The following EPS8 variants were observed in gnomAD, a reference collection of about 807,000 sequenced individuals.
The protein encoded by EPS8 is epidermal growth factor receptor kinase substrate 8.
A neutral mutation model predicts 103.8 loss-of-function variants in EPS8; 42 were observed. That is an observed-to-expected ratio of 0.40 (90% CI 0.32 to 0.52). EPS8 has a LOEUF of 0.52. Ranked by LOEUF, EPS8 falls within the 20% of genes least tolerant of loss-of-function variation. The pLI is 0.40. For missense variants in EPS8, 969 were observed against 1,005.1 expected, an observed-to-expected ratio of 0.96 and a Z score of 0.49; for synonymous variants, 344 against 344.6, an observed-to-expected ratio of 1.00 and a Z score of 0.02.
intron 3 of EPS8, among the ~76,000 whole-genome samples, chr12:15,671,968 T>G (rs1945825720): frequency 1.3e-5 from 2 of 152,120 alleles, no homozygotes; most frequent in Admixed American, 6.6e-5. Flanking sequence ...GAAACTAAAT[T>G]TGGGCAAGAA....
At chr12:15,676,435 C>A (rs1173326251) in intron 3 of EPS8, among the ~76,000 whole-genome samples, 1 of 151,960 alleles carries the variant, frequency 6.6e-6, no homozygotes, top group Non-Finnish European at 1.5e-5. Flanking sequence ...ATGGAAAAAG[C>A]AGCCCTAAAT....
rs185480509 is a variant in EPS8, at chr12:15,784,649, G to A, written c.-22+4512C>T. ...TCGCACTTCTAGATATTTATCCAAC[G>A]GATATAAGAACTTATGTCTACCCAA... is the stretch of plus-strand genomic sequence containing the variant. On this transcript the variant is annotated intron_variant, in intron 1 of 20. Transcript: ENST00000281172. This position sits in a 1 kb window ranked among gnomAD's most constrained non-coding sequence, Gnocchi z 4.0. 1.3e-5 allele frequency among the ~76,000 whole-genome samples: 2 copies of A among 152,152 alleles called. No individual in the cohort carries two copies. Among genetic ancestry groups the A allele is most frequent in the East Asian group, 3.9e-4 (2 of 5,184 alleles).
At chr12:15,710,827 C>T (rs968813176) in intron 1 of EPS8, among the ~76,000 whole-genome samples, 5 of 152,018 alleles carry the variant, frequency 3.3e-5, no homozygotes, top group African/African-American at 1.2e-4. Flanking sequence ...TTATTATATT[C>T]TCTTCAAAAA....
intron 13 of EPS8, among the ~76,000 whole-genome samples, chr12:15,652,262 C>G (rs538443028): frequency 6.6e-6 from 1 of 152,258 alleles, no homozygotes; most frequent in Admixed American, 6.5e-5. Context: ...AGAGAGTAGA[C>G]TGGTGTTTAC....
intron 18 of EPS8, among the ~76,000 whole-genome samples, chr12:15,628,343 T>C (rs573671945): frequency 4.5e-4 from 69 of 152,308 alleles, no homozygotes; most frequent in African/African-American, 1.6e-3. Flanking sequence ...AGCATAGTTT[T>C]CTTCCAGGAA....
At chr12:15,648,941 TATTATAGTAGCAATAAAGTATA>T (rs1945366233) in intron 14 of EPS8, among the ~76,000 whole-genome samples, 2 of 152,216 alleles carry the variant, frequency 1.3e-5, no homozygotes, top group African/African-American at 2.4e-5. Flanking sequence ...TAAATGCATT[TATTATAGTAGCAATAAAGTATA>T]ATAAAGTATC....
rs976149249 is a variant in EPS8 at position 15,771,940 on chromosome 12, C to T, written c.-22+17221G>A. 5.9e-5 allele frequency among the ~76,000 whole-genome samples: 9 copies of T among 151,992 alleles called. No homozygotes were observed. Among genetic ancestry groups the T allele is most frequent in the Admixed American group, 6.6e-5 (1 of 15,256 alleles). Reference sequence around the variant, plus strand: ...GAGATCGAGACCATCCTGGCTAATGCGGTGAAACCCCGTCTCTACTAAAAA... The same window carrying T: ...GAGATCGAGACCATCCTGGCTAATGTGGTGAAACCCCGTCTCTACTAAAAA... On this transcript the variant is annotated intron_variant, in intron 1 of 20. Coordinates refer to ENST00000281172, the MANE Select transcript of EPS8 (RefSeq NM_004447.6). This position sits in a 1 kb window ranked among gnomAD's most constrained non-coding sequence, Gnocchi z 4.6.
In EPS8 at chr12:15,733,515, T is replaced by C. The variant is rs1946738959; in HGVS notation, c.-21-50543A>G. ...TCATATTGTTCATTAAATAGTATCT[T>C]GGCACCTTTAAAAAGCCTAGATATA... On this transcript the variant is annotated intron_variant, in intron 1 of 20. Transcript: ENST00000281172. This position sits in a 1 kb window ranked among gnomAD's most constrained non-coding sequence, Gnocchi z 4.8. Among the ~76,000 whole-genome samples, 3 of 152,120 alleles carry C rather than the reference T, an allele frequency of 2.0e-5. No homozygotes were observed. Among genetic ancestry groups the C allele is most frequent in the Non-Finnish European group, 4.4e-5 (3 of 68,020 alleles).
In EPS8 at chr12:15,684,677, G is replaced by A. The variant is rs558897903; in HGVS notation, c.-21-1705C>T. Reference sequence around the variant, plus strand: ...CTGCTAGAAGTTCGGAGAGGGAAAAGGCCATGAAGACTGTCATTACTTTCT... The same window carrying A: ...CTGCTAGAAGTTCGGAGAGGGAAAAAGCCATGAAGACTGTCATTACTTTCT... On this transcript the variant is annotated intron_variant, in intron 1 of 20. Transcript: ENST00000281172. This position sits in a 1 kb window ranked among gnomAD's most constrained non-coding sequence, Gnocchi z 4.9. 6.6e-6 allele frequency among the ~76,000 whole-genome samples: 1 copy of A among 152,180 alleles called. No individual in the cohort carries two copies. Among genetic ancestry groups the A allele is most frequent in the South Asian group, 2.1e-4 (1 of 4,822 alleles).
At position 15,772,289 on chromosome 12, in the gene EPS8, A is replaced by T. The variant is rs1947163186; in HGVS notation, c.-22+16872T>A. Among the ~76,000 whole-genome samples the T allele has an allele frequency of 6.6e-6, 1 of 152,098 alleles. No homozygotes were observed. Among genetic ancestry groups the T allele is most frequent in the Non-Finnish European group, 1.5e-5 (1 of 68,022 alleles). On this transcript the variant is annotated intron_variant, in intron 1 of 20. Transcript: ENST00000281172. The surrounding 1 kb of genome is among the most constrained non-coding windows in gnomAD (Gnocchi z 5.0). ...GGGCCAGAGTAAAAGCAAGAAATTA[A>T]TTTTGGGAAATGTGAAGTCTGAGGG...
chr12:15,758,312 C>A (rs1360751217), intron 1 of EPS8, among the ~76,000 whole-genome samples: 1 of 152,174 alleles, frequency 6.6e-6, no homozygotes, highest in Non-Finnish European at 1.5e-5. Context: ...TGAATCTAAT[C>A]ATGAAGAAAC....
chr12:15,772,339 CATAA>C lies in EPS8; in HGVS notation c.-22+16818_-22+16821del, dbSNP rs1239623881. Among the ~76,000 whole-genome samples the C allele has an allele frequency of 6.6e-6, 1 of 151,994 alleles. No individual in the cohort carries two copies. The highest frequency in any genetic ancestry group is 1.9e-4 in the East Asian group (1 of 5,184). On this transcript the variant is annotated intron_variant, in intron 1 of 20. Coordinates refer to ENST00000281172, the MANE Select transcript of EPS8 (RefSeq NM_004447.6). The surrounding 1 kb of genome is among the most constrained non-coding windows in gnomAD (Gnocchi z 5.0). ...GGCCTGTGTGATATTCAGCTTCAGT[CATAA>C]ATAGAGTTAGAGTTCCCAAGAAAGG...
chr12:15,763,024 A>C lies in EPS8; in HGVS notation c.-22+26137T>G, dbSNP rs182791673. Among the ~76,000 whole-genome samples the C allele has an allele frequency of 6.6e-5, 10 of 152,310 alleles. No homozygotes were observed. The East Asian group carries it at 1.9e-3, about 29-fold the overall frequency. On this transcript the variant is annotated intron_variant, in intron 1 of 20. Coordinates refer to ENST00000281172, the MANE Select transcript of EPS8 (RefSeq NM_004447.6). The stretch of plus-strand genomic sequence containing the variant: ...TGATTATTATGTGTTACATGCCTGT[A>C]TCAAAACATCTCATGTACCCCCATA...
At chr12:15,662,404 C>T (rs1400021839) in intron 8 of EPS8, 1 of 1,074,288 alleles carries the variant, frequency 9.3e-7, no homozygotes, top group East Asian at 6.7e-5. Flanking sequence ...TAACTTAGCA[C>T]CCTTTAATTC....
rs201602841 is a variant in EPS8 at position 15,650,962 on chromosome 12, C to T, written c.1295G>A (p.Arg432Gln). 27 of 1,614,052 alleles carry T rather than the reference C, an allele frequency of 1.7e-5. No individual in the cohort carries two copies. The East Asian group carries it at 2.2e-4, about 13-fold the overall frequency. Residue 432 changes from arginine (R) to glutamine (Q), a missense_variant, in exon 14 of 21, where the codon CGA (arginine) becomes CAA (glutamine). Coordinates refer to ENST00000281172, the MANE Select transcript of EPS8 (RefSeq NM_004447.6). ...KEQFIPPYVP[R>Q]FRNGWEPPML... ...TGGGGGCTCCCAGCCATTGCGGAAT[C>T]GTGGAACATATGGTGGAATAAACTG... is the stretch of plus-strand genomic sequence containing the variant.
chr12:15,670,843 C>G lies in EPS8; in HGVS notation c.204+13G>C, dbSNP rs1379532482. 30 of 1,590,986 alleles carry G rather than the reference C, an allele frequency of 1.9e-5. No individual in the cohort carries two copies. Among genetic ancestry groups the G allele is most frequent in the Non-Finnish European group, 2.6e-5 (30 of 1,161,042 alleles). On this transcript the variant is annotated intron_variant, in intron 4 of 20. Transcript: ENST00000281172. ...GGTCACTCTAAATACTAGCAAACACCAAAGCATCTTACTTCAACACGGTAT... is the reference window on the plus strand; with the variant it reads ...GGTCACTCTAAATACTAGCAAACACGAAAGCATCTTACTTCAACACGGTAT...
In EPS8 at chr12:15,762,936, A is replaced by G. The variant is rs576906104; in HGVS notation, c.-22+26225T>C. On this transcript the variant is annotated intron_variant, in intron 1 of 20. Coordinates refer to ENST00000281172, the MANE Select transcript of EPS8 (RefSeq NM_004447.6). The surrounding 1 kb of genome is among the most constrained non-coding windows in gnomAD (Gnocchi z 4.8). Reference sequence around the variant, plus strand: ...TTTTTAAAATAGCTAAAATAGTATAATTGGATTGTTTGTAACACAAAGGGT... The same window carrying G: ...TTTTTAAAATAGCTAAAATAGTATAGTTGGATTGTTTGTAACACAAAGGGT... 6.6e-6 allele frequency among the ~76,000 whole-genome samples: 1 copy of G among 152,318 alleles called. No homozygotes were observed. The highest frequency in any genetic ancestry group is 2.1e-4 in the South Asian group (1 of 4,830).
Position 15,666,479 on chromosome 12 carries a change from C to A in EPS8, c.560G>T (p.Ser187Ile), listed in dbSNP as rs1166008157. 1 of 1,613,944 alleles carries A rather than the reference C, an allele frequency of 6.2e-7. No individual in the cohort carries two copies. Among genetic ancestry groups the A allele is most frequent in the African/African-American group, 1.3e-5 (1 of 75,058 alleles). The change falls in exon 7 of 21, where the codon AGT becomes ATT. Residue 187 changes from serine to isoleucine, a missense_variant. Ser to Ile is a moderately radical substitution (Grantham distance 142). Transcript: ENST00000281172. ...SEDIESAISD[S>I]KGGKQKRRPD... ...CCGCCTCTTCTGTTTCCCTCCTTTA[C>A]TGTCACTGATTGCACTTTCAATATC...
rs536573871 is a variant in EPS8, at chr12:15,688,475, C to G, written c.-21-5503G>C. 3.2e-4 allele frequency among the ~76,000 whole-genome samples: 48 copies of G among 152,262 alleles called. No homozygotes were observed. The highest frequency in any genetic ancestry group is 5.9e-4 in the Non-Finnish European group (40 of 68,018). ...AAATGTTGCATTTCCCAAGACCAGC[C>G]TGGCTTGCCACGCCCCCATTTTGTG... is the stretch of plus-strand genomic sequence containing the variant. On this transcript the variant is annotated intron_variant, in intron 1 of 20. Coordinates refer to ENST00000281172, the MANE Select transcript of EPS8 (RefSeq NM_004447.6). This position sits in a 1 kb window ranked among gnomAD's most constrained non-coding sequence, Gnocchi z 5.1.
Sources: gnomAD v4.1 joint callset for allele counts (sites outside exome capture counted in the v4.1 genomes callset) on GRCh38, gnomAD v4.1.1 for gene constraint, Gnocchi (gnomAD v3.1) non-coding constraint, MANE v1.5 for transcripts, NCBI Gene and HGNC (gene_info 2026-07-23, HGNC 2026-07-21) for gene names.